The following NCEH1 variants were observed in gnomAD, a reference collection of about 807,000 sequenced individuals.
NCEH1 encodes the protein neutral cholesterol ester hydrolase 1, also known as 2-acetyl MAGE hydrolase.
A neutral mutation model predicts 25.4 loss-of-function variants in NCEH1; 9 were observed. The ratio of observed to expected loss-of-function variants is 0.35; its 90% CI spans 0.21 to 0.62. The LOEUF is 0.62. NCEH1 is among the 20% of genes least tolerant of loss of function. NCEH1 has a pLI of 0.72. For synonymous variants in NCEH1, 200 were observed against 199.8 expected, an observed-to-expected ratio of 1.00 and a Z score of -0.01; for missense variants, 412 against 501.1, an observed-to-expected ratio of 0.82 and a Z score of 1.70.
chr3:172,668,348 ATT>A (rs1200625132), intron 1 of NCEH1, among the ~76,000 whole-genome samples: 3,342 of 78,650 alleles, frequency 0.042, 92 homozygotes, highest in African/African-American at 0.14. Flanking sequence ...AAAAGGAAGC[ATT>A]TTTTTTTTTT....
intron 1 of NCEH1, among the ~76,000 whole-genome samples, chr3:172,661,880 GA>G (rs1717990187): frequency 1.3e-5 from 2 of 152,204 alleles, no homozygotes; most frequent in Admixed American, 1.3e-4. Flanking sequence ...GGGCTGAGAT[GA>G]TGGGGTTTTC....
intron 3 of NCEH1, among the ~76,000 whole-genome samples, chr3:172,640,363 T>C (rs1278972675): frequency 6.6e-6 from 1 of 152,146 alleles, no homozygotes; most frequent in Non-Finnish European, 1.5e-5. Context: ...AATAATTAAA[T>C]CCAGATTGTG....
chr3:172,684,138 CTA>C (rs1225112343), intron 1 of NCEH1, among the ~76,000 whole-genome samples: 2 of 152,190 alleles, frequency 1.3e-5, no homozygotes, highest in African/African-American at 4.8e-5. Context: ...ATGAGGAAAA[CTA>C]TGTATTCGTT....
In NCEH1 at chr3:172,648,079, G is replaced by A. The variant is rs1403509494; in HGVS notation, c.174C>T (p.His58=). ...CAATGATAAAATTCAGTGCCAGCAGGTGATGGCTCAGTCCCAGGTAGTGGA... is the reference window on the plus strand; with the variant it reads ...CAATGATAAAATTCAGTGCCAGCAGATGATGGCTCAGTCCCAGGTAGTGGA... ...NLIHYLGLSH[H]LLALNFIIVS... The change falls in exon 2 of 5, where the codon CAC becomes CAT. Residue 58 remains histidine (H), a synonymous_variant. Transcript: ENST00000475381. 6.2e-7 allele frequency: 1 copy of A among 1,614,076 alleles called. No homozygotes were observed. The highest frequency in any genetic ancestry group is 8.5e-7 in the Non-Finnish European group (1 of 1,179,984).
intron 1 of NCEH1, among the ~76,000 whole-genome samples, chr3:172,688,648 G>A (rs1456720923): frequency 1.3e-5 from 2 of 152,130 alleles, no homozygotes; most frequent in African/African-American, 2.4e-5. Flanking sequence ...TTATATGAAA[G>A]AAAGTCCAAG....
At chr3:172,660,371 A>G (rs1243627074) in intron 1 of NCEH1, among the ~76,000 whole-genome samples, 1 of 152,084 alleles carries the variant, frequency 6.6e-6, no homozygotes, top group Non-Finnish European at 1.5e-5. Context: ...AATCCAGTCT[A>G]TCATTGATGG....
At chr3:172,695,046 A>T (rs1279380979) in intron 1 of NCEH1, among the ~76,000 whole-genome samples, 1 of 152,228 alleles carries the variant, frequency 6.6e-6, no homozygotes, top group African/African-American at 2.4e-5. Context: ...AACATGATAG[A>T]GAGGACATGG....
Position 172,710,842 on chromosome 3 carries a change from C to G in NCEH1, c.138+5G>C, listed in dbSNP as rs1714261407. The G allele has an allele frequency of 6.8e-6, 11 of 1,613,862 alleles. No individual in the cohort carries two copies. The highest frequency in any genetic ancestry group is 8.5e-6 in the Non-Finnish European group (10 of 1,179,926). ...AGAGAGAAGCAGCGCTGGGCTGCAC[C>G]TCACCACTTGCTGTGCACCCCGGAA... On this transcript the variant is annotated splice_donor_5th_base_variant and intron_variant, in intron 1 of 4. Coordinates refer to ENST00000475381, the MANE Select transcript of NCEH1 (RefSeq NM_020792.6).
chr3:172,653,744 G>GTTTTTTTTTTT (rs796835886), intron 1 of NCEH1, among the ~76,000 whole-genome samples: 9 of 95,640 alleles, frequency 9.4e-5, no homozygotes, highest in African/African-American at 3.3e-4. Flanking sequence ...TGTTTTTTTT[G>GTTTTTTTTTTT]TTTTTTTGTT....
At chr3:172,708,826 T>A (rs1343588105) in intron 1 of NCEH1, among the ~76,000 whole-genome samples, 1 of 152,200 alleles carries the variant, frequency 6.6e-6, no homozygotes, top group Non-Finnish European at 1.5e-5. Flanking sequence ...ACCAGGCACT[T>A]AAATACATTA....
chr3:172,643,076 T>G (rs1716937204), intron 3 of NCEH1, among the ~76,000 whole-genome samples: 1 of 152,002 alleles, frequency 6.6e-6, no homozygotes. Flanking sequence ...GTAGCTGGGA[T>G]TACAGGCATG....
Position 172,632,887 on chromosome 3 carries a change from A to G in NCEH1, c.*588T>C, listed in dbSNP as rs1716425169. ...GACTTACAGATAGCGATCTCATAAAATGAACATTCTAGAGGAAGAAAGTCC... is the reference window on the plus strand; with the variant it reads ...GACTTACAGATAGCGATCTCATAAAGTGAACATTCTAGAGGAAGAAAGTCC... On this transcript the variant is annotated 3_prime_UTR_variant, in exon 5 of 5. Transcript: ENST00000475381. 2 of 152,798 alleles carry G rather than the reference A, an allele frequency of 1.3e-5. No homozygotes were observed. Among genetic ancestry groups the G allele is most frequent in the Non-Finnish European group, 2.9e-5 (2 of 68,140 alleles). The allele number at this position is 152,798 out of a possible 1,614,324, so 9.5% of individuals were successfully genotyped here.
At chr3:172,653,757 T>TGC (rs1560186537) in intron 1 of NCEH1, among the ~76,000 whole-genome samples, 2 of 71,106 alleles carry the variant, frequency 2.8e-5, no homozygotes, top group African/African-American at 1.0e-4. Flanking sequence ...TTTTTGTTTT[T>TGC]TTGTTTTTTT....
rs755586411 is a variant in NCEH1, at chr3:172,648,003, C to T, written c.250G>A (p.Asp84Asn). The change falls in exon 2 of 5, where the codon GAC becomes AAC. Residue 84 changes from aspartate to asparagine, a missense_variant. Physicochemically the swap from Asp to Asn is conservative, Grantham distance 23. Around this residue, in one of 3 missense-constraint regions of NCEH1, gnomAD observed 178 missense variants for 189.2 expected, o/e 0.94. Coordinates refer to ENST00000475381, the MANE Select transcript of NCEH1 (RefSeq NM_020792.6). Reference protein sequence around the residue: ...AWSSAQVKVTDTDFDGVEVRV... With the variant: ...AWSSAQVKVTNTDFDGVEVRV... ...ACTTCCACACCATCAAAGTCTGTGT[C>T]GGTCACCTTCACTTGGGCAGAAGAC... 7.2e-5 allele frequency: 116 copies of T among 1,614,058 alleles called. 6 individuals are homozygous for T. Among genetic ancestry groups the T allele is most frequent in the South Asian group, 2.2e-5 (2 of 91,084 alleles).
chr3:172,656,205 A>C (rs1406786033), intron 1 of NCEH1, among the ~76,000 whole-genome samples: 1 of 152,178 alleles, frequency 6.6e-6, no homozygotes, highest in Non-Finnish European at 1.5e-5. Context: ...CTGTTTGTAG[A>C]CATAAGGAAG....
intron 1 of NCEH1, among the ~76,000 whole-genome samples, chr3:172,686,852 G>A (rs993927098): frequency 1.3e-5 from 2 of 152,126 alleles, no homozygotes; most frequent in African/African-American, 4.8e-5. Context: ...TGATTCCAGA[G>A]GCCTTCATGT....
rs534508768 is a variant in NCEH1 at position 172,711,051 on chromosome 3, G to A, written c.-67C>T. On this transcript the variant is annotated 5_prime_UTR_variant, in exon 1 of 5. Transcript: ENST00000475381. ...AGGGCGATACCACCCGGAGACCTCC[G>A]GCAACTTTCTGCCCGCGGCAGCTGC... is the stretch of plus-strand genomic sequence containing the variant. 33 of 1,610,002 alleles carry A rather than the reference G, an allele frequency of 2.0e-5. No individual in the cohort carries two copies. The highest frequency in any genetic ancestry group is 3.3e-4 in the Middle Eastern group (2 of 6,054).
intron 1 of NCEH1, among the ~76,000 whole-genome samples, chr3:172,670,009 A>G (rs1260870678): frequency 1.3e-5 from 2 of 152,246 alleles, no homozygotes; most frequent in African/African-American, 4.8e-5. Flanking sequence ...GTGAATTACT[A>G]TAAATTACTA....
At position 172,631,274 on chromosome 3, in the gene NCEH1, A is replaced by G. The variant is rs1716336150; in HGVS notation, c.*2201T>C. On this transcript the variant is annotated 3_prime_UTR_variant, in exon 5 of 5. Transcript: ENST00000475381. Reference sequence around the variant, plus strand: ...ACATTTTATTTTCTTTTTCTTCGAGACAGACAACCTCAAAATAAGGTCCAA... The same window carrying G: ...ACATTTTATTTTCTTTTTCTTCGAGGCAGACAACCTCAAAATAAGGTCCAA... The G allele has an allele frequency of 6.6e-6, 1 of 152,214 alleles. No homozygotes were observed. The highest frequency in any genetic ancestry group is 1.5e-5 in the Non-Finnish European group (1 of 68,036). The allele number at this position is 152,214 out of a possible 1,614,324, so 9.4% of individuals were successfully genotyped here. A position where few individuals can be genotyped will look rare whatever the true frequency, so the allele number is the denominator to read the frequency against.
Sources: allele counts gnomAD v4.1 joint callset (sites outside exome capture counted in the v4.1 genomes callset), GRCh38; gene constraint gnomAD v4.1.1; regional missense constraint gnomAD v4.1.1; transcripts MANE v1.5; gene names NCBI Gene and HGNC (gene_info 2026-07-23, HGNC 2026-07-21).